The following PDZRN3 variants were observed in gnomAD, a reference collection of about 807,000 sequenced individuals.
PDZRN3 encodes the protein E3 ubiquitin-protein ligase PDZRN3.
Under a neutral mutation model 85.7 loss-of-function variants are expected in PDZRN3, and 38 were observed. The ratio of observed to expected loss-of-function variants is 0.44; its 90% CI spans 0.34 to 0.58. The LOEUF is 0.58. PDZRN3 is among the 20% of genes least tolerant of loss of function. The probability of loss-of-function intolerance (pLI) is 0.01; values close to 1 mark genes in which losing one functional copy is unlikely to be tolerated. For synonymous variants in PDZRN3, 759 were observed against 638.0 expected (o/e 1.19, Z -2.86); for missense variants, 1,629 against 1,506.4 (o/e 1.08, Z -1.35).
intron 2 of PDZRN3, among the ~76,000 whole-genome samples, chr3:73,606,628 A>G (rs1428396232): frequency 2.0e-5 from 3 of 152,180 alleles, no homozygotes; most frequent in Admixed American, 6.5e-5. Flanking sequence ...AAATACAACC[A>G]TGTGATGACA....
At chr3:73,395,877 A>G (rs1237181644) in intron 5 of PDZRN3, among the ~76,000 whole-genome samples, 1 of 152,234 alleles carries the variant, frequency 6.6e-6, no homozygotes, top group Non-Finnish European at 1.5e-5. Context: ...AATGAGTTAG[A>G]CAAGAGTCCA....
intron 3 of PDZRN3, among the ~76,000 whole-genome samples, chr3:73,416,865 GTT>G (rs1231380594): frequency 1.2e-5 from 1 of 83,014 alleles, no homozygotes; most frequent in African/African-American, 4.3e-5. Context: ...TTTTTTGTTT[GTT>G]TTTTTTTGGT....
At chr3:73,579,109 G>A (rs150702726) in intron 3 of PDZRN3, among the ~76,000 whole-genome samples, 43 of 152,198 alleles carry the variant, frequency 2.8e-4, no homozygotes, top group African/African-American at 1.0e-3. Context: ...TGGGGAGGTG[G>A]TTAAGTCTTG....
intron 3 of PDZRN3, among the ~76,000 whole-genome samples, chr3:73,464,807 T>C (rs1703180964): frequency 6.6e-6 from 1 of 152,220 alleles, no homozygotes; most frequent in South Asian, 2.1e-4. Flanking sequence ...ATATACATCG[T>C]GGGATGGCTA....
At chr3:73,600,337 A>ACTCTCTCTCTCTCTCTCT (rs1553706426) in intron 3 of PDZRN3, among the ~76,000 whole-genome samples, 12 of 100,052 alleles carry the variant, frequency 1.2e-4, no homozygotes, top group Non-Finnish European at 1.9e-4. Context: ...ACACACACAC[A>ACTCTCTCTCTCTCTCTCT]CTCTCTCTCT....
chr3:73,439,236 C>G (rs1233356474), intron 3 of PDZRN3, among the ~76,000 whole-genome samples: 1 of 152,196 alleles, frequency 6.6e-6, no homozygotes, highest in Non-Finnish European at 1.5e-5. Context: ...CAGATACATA[C>G]TGAGGGCCTG....
At position 73,404,374 on chromosome 3, in the gene PDZRN3, T is replaced by C. The variant is rs755869713; in HGVS notation, c.940A>G (p.Arg314Gly). ...IIEVNGRDLS[R>G]ATHDQAVEAF... is the part of the protein sequence containing the mutation. ...TCCACAGCCTGGTCATGAGTTGCTCTGGATAAGTCTCTGCCGTTGACCTGT... is the reference window on the plus strand; with the variant it reads ...TCCACAGCCTGGTCATGAGTTGCTCCGGATAAGTCTCTGCCGTTGACCTGT... Residue 314 changes from arginine to glycine, a missense_variant, in exon 4 of 10, where the codon AGA (arginine) becomes GGA (glycine). Arg to Gly is a moderately radical substitution (Grantham distance 125). Transcript: ENST00000263666. 43 of 1,613,866 alleles carry C rather than the reference T, an allele frequency of 2.7e-5. No individual in the cohort carries two copies. The highest frequency in any genetic ancestry group is 3.6e-5 in the Non-Finnish European group (43 of 1,179,930).
intron 3 of PDZRN3, among the ~76,000 whole-genome samples, chr3:73,554,363 CA>C (rs1249752884): frequency 7.6e-6 from 1 of 132,418 alleles, no homozygotes; most frequent in African/African-American, 3.1e-5. Context: ...GACACACACA[CA>C]CACACACACA....
At chr3:73,582,949 T>C (rs529250306) in intron 3 of PDZRN3, among the ~76,000 whole-genome samples, 2 of 152,198 alleles carry the variant, frequency 1.3e-5, no homozygotes, top group Non-Finnish European at 2.9e-5. Flanking sequence ...CTTCTATTGA[T>C]ATAGCCTTAC....
At chr3:73,577,407 T>C (rs1412663910) in intron 3 of PDZRN3, among the ~76,000 whole-genome samples, 8 of 152,184 alleles carry the variant, frequency 5.3e-5, no homozygotes, top group Admixed American at 5.2e-4. Flanking sequence ...CCTTGGTACC[T>C]GGGGAATCCA....
At chr3:73,580,202 GGTTCAC>G (rs1702178667) in intron 3 of PDZRN3, among the ~76,000 whole-genome samples, 1 of 152,180 alleles carries the variant, frequency 6.6e-6, no homozygotes, top group Admixed American at 6.5e-5. Context: ...TCTTAACAGA[GGTTCAC>G]GAATGGTCCC....
intron 3 of PDZRN3, among the ~76,000 whole-genome samples, chr3:73,443,628 G>T (rs796990543): frequency 6.6e-6 from 1 of 151,832 alleles, no homozygotes; most frequent in South Asian, 2.1e-4. Flanking sequence ...TGGGACTACA[G>T]ATGGGCACCA....
intron 3 of PDZRN3, among the ~76,000 whole-genome samples, chr3:73,580,001 C>G (rs1482210829): frequency 6.6e-6 from 1 of 152,200 alleles, no homozygotes; most frequent in African/African-American, 2.4e-5. Context: ...CCCAAGAAGT[C>G]TCCACCTATC....
At position 73,624,197 on chromosome 3, in the gene PDZRN3, T is replaced by C. The variant is rs752628622; in HGVS notation, c.629A>G (p.Gln210Arg). Residue 210 changes from glutamine (Q) to arginine (R), a missense_variant, in exon 1 of 10, where the codon CAG becomes CGG. Coordinates refer to ENST00000263666, the MANE Select transcript of PDZRN3 (RefSeq NM_015009.3). ...AQLAAAQLEL[Q>R]MTALRYQKKF... ...CTTCTGGTAGCGCAGCGCGGTCATC[T>C]GCAGCTCAAGCTGCGCCGCGGCCAG... 3 of 1,497,848 alleles carry C rather than the reference T, an allele frequency of 2.0e-6. No individual in the cohort carries two copies. Among genetic ancestry groups the C allele is most frequent in the African/African-American group, 1.4e-5 (1 of 69,292 alleles). The allele number at this position is 1,497,848 out of a possible 1,614,324, so 92.8% of individuals were successfully genotyped here.
intron 3 of PDZRN3, among the ~76,000 whole-genome samples, chr3:73,591,545 T>C (rs552352161): frequency 5.3e-5 from 8 of 152,300 alleles, no homozygotes; most frequent in Non-Finnish European, 7.4e-5. Context: ...CTGTGTCATA[T>C]AGCCGTCATC....
intron 3 of PDZRN3, among the ~76,000 whole-genome samples, chr3:73,532,472 C>T (rs1460411324): frequency 1.3e-5 from 2 of 152,230 alleles, no homozygotes; most frequent in Non-Finnish European, 2.9e-5. Context: ...GGGCACCTAT[C>T]GTGCGCCAGG....
chr3:73,572,541 T>G (rs1284318637), intron 3 of PDZRN3, among the ~76,000 whole-genome samples: 1 of 152,218 alleles, frequency 6.6e-6, no homozygotes, highest in Admixed American at 6.5e-5. Context: ...GATCTCTGTG[T>G]GAACAACTCC....
intron 3 of PDZRN3, among the ~76,000 whole-genome samples, chr3:73,494,373 T>C (rs1326934435): frequency 2.6e-5 from 4 of 152,200 alleles, no homozygotes; most frequent in Non-Finnish European, 4.4e-5. Context: ...TTCCCTAAAA[T>C]AACTCACTTT....
At chr3:73,556,619 G>A (rs1352160174) in intron 3 of PDZRN3, 2 of 152,184 alleles carry the variant, frequency 1.3e-5, no homozygotes, top group Non-Finnish European at 1.5e-5. Flanking sequence ...AAATAATCAT[G>A]CTAATACATA....
Sources: allele counts gnomAD v4.1 joint callset (sites outside exome capture counted in the v4.1 genomes callset), GRCh38; gene constraint gnomAD v4.1.1; transcripts MANE v1.5; gene names NCBI Gene and HGNC (gene_info 2026-07-23, HGNC 2026-07-21).